Variants in GPC5 observed in about 807,000 individuals in gnomAD.
The protein encoded by GPC5 is glypican 5.
GPC5 carries 47 observed loss-of-function variants against 53.9 expected under a neutral mutation model. The observed-to-expected ratio is 0.87, with a 90% CI of 0.69 to 1.11. The LOEUF (loss-of-function observed/expected upper bound fraction) is 1.11. Ranked by LOEUF, GPC5 falls within the 50% of genes most tolerant of loss-of-function variation. The pLI is 0.00. For synonymous variants in GPC5, 286 were observed against 263.3 expected (o/e 1.09, Z -0.84); for missense variants, 748 against 713.1 (o/e 1.05, Z -0.56).
chr13:92,196,869 G>A (rs1352064959), intron 7 of GPC5, among the ~76,000 whole-genome samples: 2 of 152,158 alleles, frequency 1.3e-5, no homozygotes, highest in African/African-American at 2.4e-5. Flanking sequence ...GTACACTCCC[G>A]TTTCTATCTT....
chr13:91,638,850 T>A (rs2034349748), intron 2 of GPC5, among the ~76,000 whole-genome samples: 1 of 152,360 alleles, frequency 6.6e-6, no homozygotes, highest in Middle Eastern at 3.4e-3. Context: ...AATTATTTAT[T>A]AGCTTTTGGG....
intron 7 of GPC5, among the ~76,000 whole-genome samples, chr13:92,772,629 A>G (rs1158692627): frequency 6.6e-6 from 1 of 152,100 alleles, no homozygotes; most frequent in Non-Finnish European, 1.5e-5. Flanking sequence ...ACTACCTGTC[A>G]TAGAGTAGTT....
intron 6 of GPC5, among the ~76,000 whole-genome samples, chr13:91,916,720 A>G (rs1480511777): frequency 6.6e-6 from 1 of 152,184 alleles, no homozygotes; most frequent in African/African-American, 2.4e-5. Context: ...CCTTACAATC[A>G]TGAGAGAAGC....
intron 7 of GPC5, among the ~76,000 whole-genome samples, chr13:92,502,113 A>G (rs1052213847): frequency 5.9e-5 from 9 of 152,124 alleles, no homozygotes; most frequent in Non-Finnish European, 1.2e-4. Flanking sequence ...TGCTCTGGTT[A>G]AAATGCTAAA....
rs1217990983 is a variant in GPC5 at position 92,809,903 on chromosome 13, A to AGT, written c.1562-56370_1562-56369dup. Among the ~76,000 whole-genome samples the AGT allele has an allele frequency of 5.9e-5, 9 of 152,206 alleles. No homozygotes were observed. In the East Asian group the frequency reaches 1.7e-3, roughly 30 times the overall value. On this transcript the variant is annotated intron_variant, in intron 7 of 7. Transcript: ENST00000377067. ...AAGTCCTAGAGAAACTTGTAAACCT[A>AGT]GTGTGTGTGTCACTCTGTAATAGAG...
chr13:91,610,040 C>T (rs1334594630), intron 2 of GPC5, among the ~76,000 whole-genome samples: 1 of 152,080 alleles, frequency 6.6e-6, no homozygotes, highest in Non-Finnish European at 1.5e-5. Flanking sequence ...TTCAGTTTAC[C>T]ATGTGTGGTG....
chr13:91,996,189 T>G (rs929529277), intron 6 of GPC5: 1 of 152,264 alleles, frequency 6.6e-6, no homozygotes, highest in African/African-American at 2.4e-5. Context: ...TATGTGTCTG[T>G]GTAGTCTAAT....
intron 5 of GPC5, among the ~76,000 whole-genome samples, chr13:91,896,832 T>C (rs1397359932): frequency 1.3e-5 from 2 of 152,226 alleles, no homozygotes; most frequent in Non-Finnish European, 2.9e-5. Context: ...GTTTTCTGTG[T>C]AACTGAGTTT....
chr13:92,826,438 A>T (rs1356082392), intron 7 of GPC5, among the ~76,000 whole-genome samples: 2 of 152,152 alleles, frequency 1.3e-5, no homozygotes, highest in Non-Finnish European at 2.9e-5. Context: ...GCCCCAGACA[A>T]CATATAAATT....
chr13:92,647,522 A>T (rs1453159306), intron 7 of GPC5, among the ~76,000 whole-genome samples: 1 of 152,116 alleles, frequency 6.6e-6, no homozygotes, highest in African/African-American at 2.4e-5. Context: ...CCGGTTGAAG[A>T]CATGACAAGG....
At chr13:91,973,274 C>A (rs1282429618) in intron 6 of GPC5, among the ~76,000 whole-genome samples, 2 of 152,190 alleles carry the variant, frequency 1.3e-5, no homozygotes, top group East Asian at 1.9e-4. Context: ...CCTGAGGCTT[C>A]TGCATTTTTC....
At chr13:92,494,360 A>AT (rs2138918830) in intron 7 of GPC5, among the ~76,000 whole-genome samples, 1 of 152,296 alleles carries the variant, frequency 6.6e-6, no homozygotes, top group East Asian at 1.9e-4. Flanking sequence ...AAGTTCTGGG[A>AT]TTACAGGCGT....
At chr13:92,432,461 C>G (rs1877134012) in intron 7 of GPC5, among the ~76,000 whole-genome samples, 1 of 148,512 alleles carries the variant, frequency 6.7e-6, no homozygotes. Flanking sequence ...ATGCCTTTCT[C>G]CTGCCTCAAC....
At chr13:91,631,789 G>C (rs1221496739) in intron 2 of GPC5, among the ~76,000 whole-genome samples, 1 of 152,080 alleles carries the variant, frequency 6.6e-6, no homozygotes. Flanking sequence ...AGGAGAAATA[G>C]TAAAAGAATA....
At chr13:92,797,230 C>T (rs1876717436) in intron 7 of GPC5, among the ~76,000 whole-genome samples, 1 of 151,904 alleles carries the variant, frequency 6.6e-6, no homozygotes, top group South Asian at 2.1e-4. Flanking sequence ...TGTTAATTTA[C>T]CCATTAAATG....
At chr13:92,385,694 T>C (rs992653539) in intron 7 of GPC5, among the ~76,000 whole-genome samples, 10 of 125,016 alleles carry the variant, frequency 8.0e-5, no homozygotes, top group African/African-American at 3.3e-4. Context: ...CATATATACC[T>C]ATATACACAT....
chr13:91,929,911 A>G (rs532110612), intron 6 of GPC5, among the ~76,000 whole-genome samples: 1 of 152,198 alleles, frequency 6.6e-6, no homozygotes, highest in South Asian at 2.1e-4. Flanking sequence ...ATGCACATTG[A>G]TATAGATTAT....
chr13:92,408,028 C>T (rs1020595494), intron 7 of GPC5, among the ~76,000 whole-genome samples: 1 of 152,154 alleles, frequency 6.6e-6, no homozygotes, highest in Non-Finnish European at 1.5e-5. Flanking sequence ...GATCCGTGGC[C>T]CATGGCCTGT....
intron 6 of GPC5, among the ~76,000 whole-genome samples, chr13:92,116,423 T>C (rs759757156): frequency 1.3e-5 from 2 of 152,148 alleles, no homozygotes; most frequent in African/African-American, 2.4e-5. Flanking sequence ...CCAGAGAAAA[T>C]AAACTTCTGT....
Sources: allele counts gnomAD v4.1 joint callset (sites outside exome capture counted in the v4.1 genomes callset), GRCh38; gene constraint gnomAD v4.1.1; transcripts MANE v1.5; gene names NCBI Gene and HGNC (gene_info 2026-07-23, HGNC 2026-07-21).